Variants in UBE2K observed in about 807,000 individuals in gnomAD.
UBE2K encodes the protein ubiquitin conjugating enzyme E2 K.
A neutral mutation model predicts 30.0 loss-of-function variants in UBE2K; 6 were observed. That is an observed-to-expected ratio of 0.20 (90% CI 0.11 to 0.39). UBE2K has a LOEUF of 0.39. Among genes scored for constraint, UBE2K ranks in the 10% least tolerant of loss-of-function variants. UBE2K has a pLI of 1.00. For synonymous variants in UBE2K, 86 were observed against 83.7 expected (o/e 1.03, Z -0.15); for missense variants, 61 against 241.6 (o/e 0.25, Z 4.96).
At chr4:39,705,409 G>C (rs1718292038) in intron 1 of UBE2K, among the ~76,000 whole-genome samples, 1 of 151,288 alleles carries the variant, frequency 6.6e-6, no homozygotes, top group African/African-American at 2.4e-5. Context: ...ATGTTGGCCA[G>C]GCTGGTCTCG....
intron 1 of UBE2K, among the ~76,000 whole-genome samples, chr4:39,718,645 C>T (rs1038657041): frequency 4.6e-5 from 7 of 152,342 alleles, no homozygotes; most frequent in Admixed American, 2.0e-4. Flanking sequence ...AGCCCTGCCC[C>T]GTGGGGAGGC....
chr4:39,731,663 TAAAAA>T (rs1438716760), intron 1 of UBE2K, among the ~76,000 whole-genome samples: 1 of 149,734 alleles, frequency 6.7e-6, no homozygotes, highest in African/African-American at 2.4e-5. Flanking sequence ...CTCAAAAAAA[TAAAAA>T]AAAAATTTAA....
intron 4 of UBE2K, among the ~76,000 whole-genome samples, chr4:39,758,349 A>G (rs1026573449): frequency 5.3e-5 from 8 of 152,080 alleles, no homozygotes; most frequent in Non-Finnish European, 1.2e-4. Context: ...TTACCTACTC[A>G]GGCTATTCCC....
intron 4 of UBE2K, chr4:39,770,840 C>T (rs1219250255): frequency 7.8e-6 from 12 of 1,541,356 alleles, no homozygotes; most frequent in Admixed American, 6.2e-5. Flanking sequence ...CGTCCTCATC[C>T]TCATCCTCTT....
chr4:39,709,240 C>T lies in UBE2K; in HGVS notation c.63+10850C>T, dbSNP rs553296143. 3.9e-5 allele frequency among the ~76,000 whole-genome samples: 6 copies of T among 152,000 alleles called. No homozygotes were observed. The South Asian group carries it at 8.3e-4, about 21-fold the overall frequency. On this transcript the variant is annotated intron_variant, in intron 1 of 6. Coordinates refer to ENST00000261427, the MANE Select transcript of UBE2K (RefSeq NM_005339.5). ...AATTAGCTATGTTTTCATATTCTGT[C>T]GTGCTTATTATTCTTGGATTATAAA... is the stretch of plus-strand genomic sequence containing the variant.
At chr4:39,763,031 TTTAA>T (rs1712067583) in intron 4 of UBE2K, among the ~76,000 whole-genome samples, 11 of 139,224 alleles carry the variant, frequency 7.9e-5, no homozygotes, top group African/African-American at 5.4e-5. Flanking sequence ...ACCTCCCGGG[TTTAA>T]GCACTTCTCG....
chr4:39,747,909 C>T (rs1222143801), intron 3 of UBE2K, among the ~76,000 whole-genome samples: 1 of 151,420 alleles, frequency 6.6e-6, no homozygotes, highest in Non-Finnish European at 1.5e-5. Context: ...TCAAGCAATT[C>T]TCCTGCCTCA....
chr4:39,775,852 T>C (rs1462430744), intron 5 of UBE2K, among the ~76,000 whole-genome samples: 1 of 152,158 alleles, frequency 6.6e-6, no homozygotes, highest in Admixed American at 6.6e-5. Context: ...TTCTAAGATA[T>C]TACCCTCTTT....
intron 5 of UBE2K, 146 bp downstream of exon 5, chr4:39,775,079 G>A: frequency 2.1e-6 from 1 of 472,526 alleles, no homozygotes. Flanking sequence ...TATTTTGTCA[G>A]GTGTAATAGT....
rs1251325387 is a variant in UBE2K at position 39,744,779 on chromosome 4, C to T, written c.158-973C>T. 3.3e-5 allele frequency among the ~76,000 whole-genome samples: 5 copies of T among 151,242 alleles called. No homozygotes were observed. The East Asian group carries it at 5.9e-4, about 18-fold the overall frequency. On this transcript the variant is annotated intron_variant, in intron 2 of 6. Transcript: ENST00000261427. ...AAAATTAGCCAGGCGTGGTGATGGG[C>T]GCCTGTAGTCTCAGCTACTTGGGAG...
chr4:39,751,282 A>G (rs565528073), intron 3 of UBE2K, among the ~76,000 whole-genome samples: 2 of 152,284 alleles, frequency 1.3e-5, no homozygotes, highest in Middle Eastern at 3.4e-3. Flanking sequence ...AGATTATAGT[A>G]CAAAGTAAGA....
rs916846257 is a variant in UBE2K, at chr4:39,779,022, CAG to C, written c.*589_*590del. ...TTTTGTCCTTGTCAACAGACTGGGA[CAG>C]TGTCTGATTCCCCCTTCACCCCCCC... On this transcript the variant is annotated 3_prime_UTR_variant, in exon 7 of 7. Transcript: ENST00000261427. The C allele has an allele frequency of 2.0e-5, 3 of 151,184 alleles. No homozygotes were observed. Among genetic ancestry groups the C allele is most frequent in the African/African-American group, 7.3e-5 (3 of 40,984 alleles). 9.4% of individuals were successfully genotyped at this position (151,184 alleles called of 1,614,324 possible). A position where few individuals can be genotyped will look rare whatever the true frequency, so the allele number is the denominator to read the frequency against.
chr4:39,711,395 T>C (rs919415703), intron 1 of UBE2K, among the ~76,000 whole-genome samples: 4 of 151,626 alleles, frequency 2.6e-5, no homozygotes, highest in East Asian at 1.9e-4. Flanking sequence ...ATCTCCTGAC[T>C]TCATGATCCG....
intron 4 of UBE2K, chr4:39,770,522 C>T (rs766410387): frequency 3.9e-5 from 63 of 1,604,914 alleles, no homozygotes; most frequent in Non-Finnish European, 5.0e-5. Flanking sequence ...GGCTGCCCCC[C>T]GCCCCCCGGG....
chr4:39,747,999 A>G (rs898435060), intron 3 of UBE2K, among the ~76,000 whole-genome samples: 4 of 151,866 alleles, frequency 2.6e-5, no homozygotes, highest in Non-Finnish European at 5.9e-5. Flanking sequence ...ATGGCATTTC[A>G]CCATGTTGGC....
rs554559295 is a variant in UBE2K at position 39,700,708 on chromosome 4, C to T, written c.63+2318C>T. On this transcript the variant is annotated intron_variant, in intron 1 of 6. Transcript: ENST00000261427. ...CTTTTTTGGTAAATCAGCACTTTAC[C>T]GAAGTTTATTTCATGTGTTTGTATG... 7.4e-4 allele frequency among the ~76,000 whole-genome samples: 113 copies of T among 151,932 alleles called. 1 individual carries two copies. Among genetic ancestry groups the T allele is most frequent in the Admixed American group, 1.5e-3 (23 of 15,222 alleles).
At chr4:39,770,898 A>G (rs1560379472) in intron 4 of UBE2K, 26 of 1,535,760 alleles carry the variant, frequency 1.7e-5, no homozygotes, top group Non-Finnish European at 2.3e-5. Context: ...CTCCAGCTTC[A>G]CTGGCCGCAG....
intron 1 of UBE2K, among the ~76,000 whole-genome samples, chr4:39,723,286 A>G (rs1578437452): frequency 1.4e-5 from 2 of 142,224 alleles, no homozygotes; most frequent in African/African-American, 2.7e-5. Flanking sequence ...CAAGCAATCC[A>G]CCTGCCTCGA....
chr4:39,740,145 C>A (rs1038471662), intron 2 of UBE2K, among the ~76,000 whole-genome samples: 1 of 152,028 alleles, frequency 6.6e-6, no homozygotes, highest in South Asian at 2.1e-4. Context: ...CTAGCTTCTT[C>A]TTGAAGTCAG....
Sources: allele counts gnomAD v4.1 joint callset (sites outside exome capture counted in the v4.1 genomes callset), GRCh38; gene constraint gnomAD v4.1.1; transcripts MANE v1.5; gene names NCBI Gene and HGNC (gene_info 2026-07-23, HGNC 2026-07-21).